STK3: variants seen among roughly 807,000 people sequenced by gnomAD.
STK3 encodes serine/threonine-protein kinase 3.
A neutral mutation model predicts 58.0 loss-of-function variants in STK3; 41 were observed. That is an observed-to-expected ratio of 0.71 (90% CI 0.55 to 0.92). The LOEUF (loss-of-function observed/expected upper bound fraction) is 0.92, where lower values mean the gene tolerates loss of function less well. STK3 is among the 40% of genes least tolerant of loss of function. The pLI is 0.00. For synonymous variants in STK3, 170 were observed against 191.0 expected, an observed-to-expected ratio of 0.89 and a Z score of 0.91; for missense variants, 479 against 602.7, an observed-to-expected ratio of 0.79 and a Z score of 2.15.
intron 1 of STK3, chr8:98,905,199 C>A: frequency 1.0e-6 from 1 of 996,478 alleles, no homozygotes; most frequent in Middle Eastern, 2.1e-4. Context: ...GTCTCCCATT[C>A]CAGGGGCAGT....
At chr8:98,451,205 TC>T (rs1474657873), downstream of STK3, among the ~76,000 whole-genome samples, 3 of 152,238 alleles carry the variant, frequency 2.0e-5, no homozygotes, top group East Asian at 5.8e-4. Context: ...TTGTTTGAGC[TC>T]ATGGCGTTCA....
chr8:98,668,126 C>T (rs1331184890), intron 6 of STK3, among the ~76,000 whole-genome samples: 2 of 151,904 alleles, frequency 1.3e-5, no homozygotes, highest in Non-Finnish European at 1.5e-5. Flanking sequence ...TTATGTTCTT[C>T]TTAATAAAAC....
chr8:98,451,800 T>A (rs1054618204), downstream of STK3, among the ~76,000 whole-genome samples: 1 of 151,868 alleles, frequency 6.6e-6, no homozygotes, highest in Admixed American at 6.6e-5. Context: ...TCTGTAAAAC[T>A]TCCTTGGGTC....
chr8:98,610,620 G>A (rs1817120391), intron 6 of STK3, among the ~76,000 whole-genome samples: 1 of 152,168 alleles, frequency 6.6e-6, no homozygotes, highest in Non-Finnish European at 1.5e-5. Context: ...GGTGCAGTCT[G>A]TCCTAATGAG....
chr8:98,788,928 G>A (rs1832641268), intron 1 of STK3, among the ~76,000 whole-genome samples: 1 of 152,228 alleles, frequency 6.6e-6, no homozygotes, highest in South Asian at 2.1e-4. Flanking sequence ...AGATTATACA[G>A]AACATTCTAC....
chr8:98,737,727 A>T (rs930600059), intron 4 of STK3, among the ~76,000 whole-genome samples: 19 of 151,558 alleles, frequency 1.3e-4, no homozygotes, highest in Admixed American at 1.1e-3. Flanking sequence ...TTTTTTTTTT[A>T]GATGGAGTTT....
chr8:98,622,269 C>CA (rs879631103), intron 6 of STK3, among the ~76,000 whole-genome samples: 315 of 135,900 alleles, frequency 2.3e-3, no homozygotes, highest in Middle Eastern at 3.9e-3. Context: ...ACTCCATCTC[C>CA]AAAAAAAAAA....
intron 6 of STK3, among the ~76,000 whole-genome samples, chr8:98,642,530 G>A (rs145320327): frequency 6.6e-6 from 1 of 152,108 alleles, no homozygotes; most frequent in Non-Finnish European, 1.5e-5. Context: ...GAGAGTGGGA[G>A]AGATTGTATA....
chr8:98,678,615 G>A (rs1196480842), intron 6 of STK3, among the ~76,000 whole-genome samples: 1 of 152,016 alleles, frequency 6.6e-6, no homozygotes, highest in Non-Finnish European at 1.5e-5. Context: ...AAAAACTTAA[G>A]GATATGGGAA....
At chr8:98,389,474 G>A (rs953024052), upstream of STK3, among the ~76,000 whole-genome samples, 1 of 152,208 alleles carries the variant, frequency 6.6e-6, no homozygotes, top group East Asian at 1.9e-4. Flanking sequence ...TAACAGTCAC[G>A]AAAACACAAC....
intron 6 of STK3, among the ~76,000 whole-genome samples, chr8:98,679,598 C>G (rs1823478775): frequency 6.6e-6 from 1 of 152,070 alleles, no homozygotes; most frequent in African/African-American, 2.4e-5. Context: ...AAATTTTTAC[C>G]TTTGTTTTTC....
intron 1 of STK3, among the ~76,000 whole-genome samples, chr8:98,780,458 G>A (rs1053155109): frequency 1.2e-4 from 18 of 151,950 alleles, no homozygotes; most frequent in Non-Finnish European, 7.4e-5. Context: ...TTTCCACTGG[G>A]TTTTCGGTCC....
At chr8:98,809,707 T>C (rs1834101051) in intron 1 of STK3, among the ~76,000 whole-genome samples, 1 of 152,234 alleles carries the variant, frequency 6.6e-6, no homozygotes, top group Non-Finnish European at 1.5e-5. Context: ...ATTGTATATA[T>C]ATATACCACA....
intron 6 of STK3, among the ~76,000 whole-genome samples, chr8:98,681,145 C>T (rs868007005): frequency 6.6e-6 from 1 of 151,970 alleles, no homozygotes; most frequent in Non-Finnish European, 1.5e-5. Flanking sequence ...ACTACAGGCG[C>T]GTGCCACCAC....
At chr8:98,799,359 A>G (rs1396047521) in intron 1 of STK3, among the ~76,000 whole-genome samples, 2 of 151,988 alleles carry the variant, frequency 1.3e-5, no homozygotes, top group Non-Finnish European at 2.9e-5. Context: ...AGCAGAAAGG[A>G]AAGAGAGAAA....
At chr8:98,810,359 G>A (rs776134380) in intron 1 of STK3, among the ~76,000 whole-genome samples, 3 of 151,904 alleles carry the variant, frequency 2.0e-5, no homozygotes, top group Non-Finnish European at 4.4e-5. Context: ...CCCACAGTGG[G>A]TGCACTATTT....
intron 3 of STK3, among the ~76,000 whole-genome samples, chr8:98,405,003 G>A (rs1182284417): frequency 6.6e-6 from 1 of 152,152 alleles, no homozygotes; most frequent in Non-Finnish European, 1.5e-5. Flanking sequence ...CAGATAACCT[G>A]TCTCATTGTC....
chr8:98,598,478 C>A, intron 6 of STK3: 1 of 985,326 alleles, frequency 1.0e-6, no homozygotes, highest in African/African-American at 1.7e-5. Flanking sequence ...AACCACTATG[C>A]CATTTATTTC....
chr8:98,895,185 G>T (rs1033144919), intron 1 of STK3, among the ~76,000 whole-genome samples: 2 of 152,114 alleles, frequency 1.3e-5, no homozygotes, highest in African/African-American at 4.8e-5. Context: ...GTATGGTATG[G>T]CGCAATGTTT....
Sources: allele counts gnomAD v4.1 joint callset (sites outside exome capture counted in the v4.1 genomes callset), GRCh38; gene constraint gnomAD v4.1.1; transcripts MANE v1.5; gene names NCBI Gene and HGNC (gene_info 2026-07-23, HGNC 2026-07-21).